TSPAN18: variants seen among roughly 807,000 people sequenced by gnomAD.
TSPAN18 encodes the protein tetraspanin-18.
Under a neutral mutation model 27.3 loss-of-function variants are expected in TSPAN18, and 14 were observed. That is an observed-to-expected ratio of 0.51 (90% confidence interval 0.34 to 0.80). TSPAN18 has a LOEUF of 0.80. Ranked by LOEUF, TSPAN18 falls within the 30% of genes least tolerant of loss-of-function variation. The pLI is 0.01. For synonymous variants in TSPAN18, 143 were observed against 136.5 expected, an observed-to-expected ratio of 1.05 and a Z score of -0.33; for missense variants, 268 against 323.9, an observed-to-expected ratio of 0.83 and a Z score of 1.32.
At chr11:44,910,815 C>T (rs1336031136) in intron 5 of TSPAN18, among the ~76,000 whole-genome samples, 3 of 152,292 alleles carry the variant, frequency 2.0e-5, no homozygotes, top group Non-Finnish European at 2.9e-5. Flanking sequence ...GCAGCCGAGC[C>T]GTGCGGATGA....
chr11:44,874,240 A>G (rs992084630), intron 3 of TSPAN18, among the ~76,000 whole-genome samples: 2 of 152,084 alleles, frequency 1.3e-5, no homozygotes, highest in Admixed American at 6.5e-5. Flanking sequence ...TTTCACCTCC[A>G]CCTCTTCCGC....
In TSPAN18 at chr11:44,761,858, C is replaced by T. The variant is rs959634364; in HGVS notation, c.-239-2568C>T. On this transcript the variant is annotated intron_variant, in intron 1 of 9. Coordinates refer to ENST00000520358, the MANE Select transcript of TSPAN18 (RefSeq NM_130783.5). ...GCTCAGGTAGGCCCGAGTTCCTCTG[C>T]GATGCTGCAGACAGTAGAGCAGGGA... 3.3e-5 allele frequency among the ~76,000 whole-genome samples: 5 copies of T among 152,194 alleles called. No homozygotes were observed. The South Asian group carries it at 8.3e-4, about 25-fold the overall frequency.
At chr11:44,888,765 C>T (rs1192542545) in intron 3 of TSPAN18, among the ~76,000 whole-genome samples, 2 of 152,172 alleles carry the variant, frequency 1.3e-5, no homozygotes, top group Non-Finnish European at 2.9e-5. Context: ...TACTTTCTGG[C>T]TCAGCTCCCT....
At chr11:44,782,383 AAT>A (rs1158629917) in intron 2 of TSPAN18, among the ~76,000 whole-genome samples, 1 of 152,016 alleles carries the variant, frequency 6.6e-6, no homozygotes, top group African/African-American at 2.4e-5. Context: ...CTCTACTAAA[AAT>A]ACAAAAAATT....
intron 2 of TSPAN18, among the ~76,000 whole-genome samples, chr11:44,840,162 T>C (rs922069193): frequency 6.6e-6 from 1 of 152,134 alleles, no homozygotes; most frequent in Non-Finnish European, 1.5e-5. Flanking sequence ...GCTCAGTTTG[T>C]GAATCTATGA....
chr11:44,807,394 G>T (rs1363036536), intron 2 of TSPAN18, among the ~76,000 whole-genome samples: 1 of 113,056 alleles, frequency 8.8e-6, no homozygotes, highest in Admixed American at 8.2e-5. Context: ...CAGGTGTGGT[G>T]GTGCGTGCCT....
intron 5 of TSPAN18, chr11:44,917,463 G>T (rs1859954244): frequency 6.5e-6 from 1 of 152,782 alleles, no homozygotes; most frequent in African/African-American, 2.4e-5. Flanking sequence ...TATTCCTTGG[G>T]TTTTGGCTGA....
intron 3 of TSPAN18, among the ~76,000 whole-genome samples, chr11:44,869,162 G>T (rs925458909): frequency 1.3e-5 from 2 of 152,228 alleles, no homozygotes; most frequent in African/African-American, 4.8e-5. Flanking sequence ...TGCAGACTGG[G>T]CCGGGAGGGA....
chr11:44,813,335 G>A (rs1429980226), intron 2 of TSPAN18, among the ~76,000 whole-genome samples: 1 of 152,194 alleles, frequency 6.6e-6, no homozygotes, highest in East Asian at 1.9e-4. Context: ...GTGTGATCAC[G>A]GCAAGTCAGG....
At chr11:44,769,096 C>T (rs1200079408) in intron 2 of TSPAN18, among the ~76,000 whole-genome samples, 1 of 152,010 alleles carries the variant, frequency 6.6e-6, no homozygotes, top group African/African-American at 2.4e-5. Context: ...GAGGTTTCAT[C>T]ATTTTGGCCA....
At chr11:44,821,797 G>A (rs1261742709) in intron 2 of TSPAN18, among the ~76,000 whole-genome samples, 2 of 152,196 alleles carry the variant, frequency 1.3e-5, no homozygotes, top group Admixed American at 1.3e-4. Context: ...CTAACTAAAT[G>A]ATCCCTCAAG....
At chr11:44,812,837 C>T (rs1243024301) in intron 2 of TSPAN18, among the ~76,000 whole-genome samples, 1 of 152,044 alleles carries the variant, frequency 6.6e-6, no homozygotes, top group East Asian at 1.9e-4. Context: ...CCATTGGGGT[C>T]CCTAGGGTTC....
intron 3 of TSPAN18, among the ~76,000 whole-genome samples, chr11:44,868,202 A>G (rs1406236022): frequency 6.6e-6 from 1 of 152,160 alleles, no homozygotes; most frequent in Non-Finnish European, 1.5e-5. Context: ...GCTGGAACCC[A>G]GGTGGCCATC....
intron 1 of TSPAN18, among the ~76,000 whole-genome samples, chr11:44,750,078 A>G (rs1385337358): frequency 1.3e-5 from 2 of 152,230 alleles, no homozygotes; most frequent in Non-Finnish European, 1.5e-5. Context: ...TTTGAAAACC[A>G]CAGGCCATCA....
At chr11:44,909,218 A>C (rs188358804) in intron 4 of TSPAN18, among the ~76,000 whole-genome samples, 1 of 152,260 alleles carries the variant, frequency 6.6e-6, no homozygotes, top group African/African-American at 2.4e-5. Flanking sequence ...CAAACACAGC[A>C]TAGGGCTGAC....
At chr11:44,798,558 C>G (rs1856403756) in intron 2 of TSPAN18, among the ~76,000 whole-genome samples, 1 of 152,240 alleles carries the variant, frequency 6.6e-6, no homozygotes, top group Non-Finnish European at 1.5e-5. Context: ...CTAAGCCACT[C>G]TGGGGGCCCC....
chr11:44,821,953 G>A (rs944686952), intron 2 of TSPAN18, among the ~76,000 whole-genome samples: 4 of 152,236 alleles, frequency 2.6e-5, no homozygotes, highest in Non-Finnish European at 5.9e-5. Flanking sequence ...GAGGAAGGGT[G>A]ACCTTGGCTG....
chr11:44,892,823 G>T (rs1033610498), intron 3 of TSPAN18, among the ~76,000 whole-genome samples: 2 of 152,222 alleles, frequency 1.3e-5, no homozygotes, highest in African/African-American at 2.4e-5. Flanking sequence ...TCAGGCTAGT[G>T]AGCCGCAGTT....
intron 3 of TSPAN18, among the ~76,000 whole-genome samples, chr11:44,891,627 G>C (rs1858852316): frequency 6.6e-6 from 1 of 152,176 alleles, no homozygotes; most frequent in South Asian, 2.1e-4. Context: ...TGCAAGGCTG[G>C]GCAGCGGACA....
Sources: gnomAD v4.1 joint callset for allele counts (sites outside exome capture counted in the v4.1 genomes callset) on GRCh38, gnomAD v4.1.1 for gene constraint, MANE v1.5 for transcripts, NCBI Gene and HGNC (gene_info 2026-07-23, HGNC 2026-07-21) for gene names.